Variants in HS3ST5 observed in about 807,000 individuals in gnomAD.
The protein encoded by HS3ST5 is heparan sulfate-glucosamine 3-sulfotransferase 5, also known as heparan sulfate glucosamine 3-O-sulfotransferase 5.
A neutral mutation model predicts 25.4 loss-of-function variants in HS3ST5; 10 were observed. That is an observed-to-expected ratio of 0.39 (90% CI 0.24 to 0.67). The LOEUF (loss-of-function observed/expected upper bound fraction) is 0.67. HS3ST5 is among the 30% of genes least tolerant of loss of function. The pLI, the probability that HS3ST5 is intolerant of heterozygous loss-of-function variation, is 0.44. For missense variants in HS3ST5, 324 were observed against 420.7 expected (o/e 0.77, Z 2.01); for synonymous variants, 170 against 162.4 (o/e 1.05, Z -0.36).
chr6:114,168,529 T>A (rs1779322618), intron 2 of HS3ST5, 67 bp from the exon 3 acceptor site: 1 of 152,284 alleles, frequency 6.6e-6, no homozygotes, highest in Non-Finnish European at 1.5e-5. Context: ...TTTTTGCTGC[T>A]TTTTCCCAGC....
chr6:114,313,748 T>C (rs1775633820), intron 1 of HS3ST5, among the ~76,000 whole-genome samples: 1 of 152,220 alleles, frequency 6.6e-6, no homozygotes, highest in Admixed American at 6.5e-5. Flanking sequence ...AATGAGTACA[T>C]AGATTTGTCA....
At chr6:114,086,064 A>G (rs1444197194) in intron 3 of HS3ST5, among the ~76,000 whole-genome samples, 1 of 151,940 alleles carries the variant, frequency 6.6e-6, no homozygotes, top group Non-Finnish European at 1.5e-5. Flanking sequence ...TTACAGGAAA[A>G]AAAACGGTTC....
At chr6:114,241,216 G>A (rs534311037) in intron 1 of HS3ST5, among the ~76,000 whole-genome samples, 1 of 138,456 alleles carries the variant, frequency 7.2e-6, no homozygotes, top group African/African-American at 2.7e-5. Context: ...AAATTCAATA[G>A]ACAATAATTG....
intron 3 of HS3ST5, among the ~76,000 whole-genome samples, chr6:114,133,550 G>T (rs1777452324): frequency 6.6e-6 from 1 of 152,290 alleles, no homozygotes; most frequent in Middle Eastern, 3.4e-3. Flanking sequence ...GCTAAGAGGA[G>T]GGGACTAGAT....
At chr6:114,262,938 C>G (rs1403644838) in intron 1 of HS3ST5, among the ~76,000 whole-genome samples, 1 of 151,968 alleles carries the variant, frequency 6.6e-6, no homozygotes, top group African/African-American at 2.4e-5. Context: ...ATGAATATAA[C>G]CAGAATATTA....
rs867732402 is a variant in HS3ST5, at chr6:114,226,392, A to T, written c.-145+2193T>A. ...TAAATTCAATTTTAAGTACTTAGGT[A>T]TCTATAAATCTTCAATGTTCATCTT... On this transcript the variant is annotated intron_variant, in intron 2 of 4. Transcript: ENST00000312719. 3.3e-5 allele frequency among the ~76,000 whole-genome samples: 5 copies of T among 152,058 alleles called. No individual in the cohort carries two copies. The East Asian group carries it at 7.7e-4, about 23-fold the overall frequency.
intron 3 of HS3ST5, among the ~76,000 whole-genome samples, chr6:114,082,189 T>G (rs998557950): frequency 1.3e-5 from 2 of 152,232 alleles, no homozygotes; most frequent in African/African-American, 4.8e-5. Flanking sequence ...CCTTAATTTC[T>G]TCTCATTCCC....
chr6:114,250,015 A>G (rs1772574249), intron 1 of HS3ST5, among the ~76,000 whole-genome samples: 1 of 152,194 alleles, frequency 6.6e-6, no homozygotes, highest in Non-Finnish European at 1.5e-5. Context: ...AAGTGGGTAA[A>G]TAACTATTGA....
chr6:114,322,358 C>CTTTAGGAAAGAT (rs1776002877), intron 1 of HS3ST5, among the ~76,000 whole-genome samples: 1 of 152,106 alleles, frequency 6.6e-6, no homozygotes. Context: ...AAAATATTGT[C>CTTTAGGAAAGAT]TGCACAACCT....
chr6:114,169,252 T>G (rs1582675564), intron 2 of HS3ST5, among the ~76,000 whole-genome samples: 1 of 152,104 alleles, frequency 6.6e-6, no homozygotes, highest in East Asian at 1.9e-4. Flanking sequence ...GAAACCCATC[T>G]TTTACTTGGA....
intron 2 of HS3ST5, among the ~76,000 whole-genome samples, chr6:114,175,919 T>C (rs1203856055): frequency 2.0e-5 from 3 of 152,212 alleles, no homozygotes; most frequent in Non-Finnish European, 2.9e-5. Flanking sequence ...TATTCCTTTG[T>C]CTCTTTAGTA....
intron 3 of HS3ST5, among the ~76,000 whole-genome samples, chr6:114,139,614 T>C (rs776647362): frequency 7.2e-5 from 11 of 152,190 alleles, no homozygotes; most frequent in Non-Finnish European, 1.5e-4. Flanking sequence ...TTATCCCCTA[T>C]TACTTATTTA....
chr6:114,279,636 C>G (rs1017527806), intron 1 of HS3ST5, among the ~76,000 whole-genome samples: 1 of 151,944 alleles, frequency 6.6e-6, no homozygotes, highest in African/African-American at 2.4e-5. Context: ...TTCCTGAAAA[C>G]CTCCTCATTA....
At chr6:114,272,165 T>C (rs1773662852) in intron 1 of HS3ST5, among the ~76,000 whole-genome samples, 1 of 152,182 alleles carries the variant, frequency 6.6e-6, no homozygotes, top group South Asian at 2.1e-4. Flanking sequence ...TTTTCCATTA[T>C]TGTTAGCCAC....
At chr6:114,242,505 A>T (rs935688174) in intron 1 of HS3ST5, among the ~76,000 whole-genome samples, 2 of 152,174 alleles carry the variant, frequency 1.3e-5, no homozygotes, top group African/African-American at 4.8e-5. Context: ...CAAGAAAAAT[A>T]AGTCAATGCT....
chr6:114,083,749 G>T (rs1774600467), intron 3 of HS3ST5, among the ~76,000 whole-genome samples: 1 of 152,078 alleles, frequency 6.6e-6, no homozygotes, highest in Non-Finnish European at 1.5e-5. Flanking sequence ...AAAATTTGGG[G>T]AAATTCTTGT....
chr6:114,323,887 G>A (rs1165771526), intron 1 of HS3ST5, among the ~76,000 whole-genome samples: 1 of 152,096 alleles, frequency 6.6e-6, no homozygotes, highest in Non-Finnish European at 1.5e-5. Flanking sequence ...GGGCCAAAGA[G>A]GCCTGGGAGG....
chr6:114,084,987 A>G (rs1774719863), intron 3 of HS3ST5, among the ~76,000 whole-genome samples: 1 of 151,076 alleles, frequency 6.6e-6, no homozygotes, highest in Non-Finnish European at 1.5e-5. Context: ...GCGCACCACC[A>G]CCCCTGGCTA....
chr6:114,189,003 T>C (rs998661005), intron 2 of HS3ST5, among the ~76,000 whole-genome samples: 3 of 152,110 alleles, frequency 2.0e-5, no homozygotes, highest in Non-Finnish European at 4.4e-5. Context: ...GTTTCTTGAT[T>C]CCTTAAATCA....
Sources: allele counts gnomAD v4.1 joint callset (sites outside exome capture counted in the v4.1 genomes callset), GRCh38; gene constraint gnomAD v4.1.1; transcripts MANE v1.5; gene names NCBI Gene and HGNC (gene_info 2026-07-23, HGNC 2026-07-21).